The following STPG2 variants were observed in gnomAD, a reference collection of about 807,000 sequenced individuals.
STPG2 encodes sperm-tail PG-rich repeat-containing protein 2.
STPG2 carries 56 observed loss-of-function variants against 54.2 expected under a neutral mutation model. That is an observed-to-expected ratio of 1.03 (90% CI 0.83 to 1.29). STPG2 has a LOEUF of 1.29. Among genes scored for constraint, STPG2 ranks in the 50% most tolerant of loss-of-function variants. STPG2 has a pLI of 0.00. For synonymous variants in STPG2, 200 were observed against 181.8 expected, an observed-to-expected ratio of 1.10 and a Z score of -0.81; for missense variants, 596 against 544.9, an observed-to-expected ratio of 1.09 and a Z score of -0.93.
At chr4:97,931,775 T>C (rs1732556352) in intron 8 of STPG2, among the ~76,000 whole-genome samples, 2 of 152,092 alleles carry the variant, frequency 1.3e-5, no homozygotes, top group African/African-American at 2.4e-5. Context: ...TAGGAAGTAG[T>C]CCCTTCTCCT....
intron 8 of STPG2, among the ~76,000 whole-genome samples, chr4:97,935,197 G>A (rs1007952034): frequency 2.0e-5 from 3 of 152,078 alleles, no homozygotes; most frequent in Non-Finnish European, 2.9e-5. Flanking sequence ...GTTCAATGGT[G>A]ATATCCTTTT....
intron 10 of STPG2, among the ~76,000 whole-genome samples, chr4:97,679,073 C>A (rs1227062567): frequency 6.6e-6 from 1 of 152,036 alleles, no homozygotes; most frequent in African/African-American, 2.4e-5. Flanking sequence ...GTGAATAGTG[C>A]TGCAATAAAC....
intron 8 of STPG2, among the ~76,000 whole-genome samples, chr4:97,858,661 A>T (rs192129345): frequency 6.6e-6 from 1 of 152,090 alleles, no homozygotes; most frequent in Non-Finnish European, 1.5e-5. Context: ...TTTGGTTTCC[A>T]TTCCTCAGTT....
chr4:97,984,647 GATTT>G lies in STPG2; in HGVS notation c.613-3333_613-3330del, dbSNP rs1421777040. Reference sequence around the variant, plus strand: ...GTTTTTAACTTTTCCCATTCTTACTGATTTATTTTTATTTTTTAATATATGAAAC... The same window carrying G: ...GTTTTTAACTTTTCCCATTCTTACTGATTTTTATTTTTTAATATATGAAAC... On this transcript the variant is annotated intron_variant, in intron 5 of 10. Transcript: ENST00000295268. Among the ~76,000 whole-genome samples, 13 of 151,964 alleles carry G rather than the reference GATTT, an allele frequency of 8.6e-5. No homozygotes were observed. The South Asian group carries it at 1.5e-3, about 17-fold the overall frequency.
intron 9 of STPG2, among the ~76,000 whole-genome samples, chr4:97,799,333 T>G (rs1466373424): frequency 6.6e-6 from 1 of 152,226 alleles, no homozygotes; most frequent in African/African-American, 2.4e-5. Context: ...GTTGTTCCTT[T>G]CCATGTTTAG....
chr4:97,847,001 A>G (rs1337022676), intron 8 of STPG2, among the ~76,000 whole-genome samples: 2 of 152,210 alleles, frequency 1.3e-5, no homozygotes, highest in Admixed American at 1.3e-4. Flanking sequence ...AACTTCTTTT[A>G]CAATGAAACT....
rs1448419546 is a variant in STPG2 at position 97,703,409 on chromosome 4, T to TTA, written c.1320+9288_1320+9289dup. Among the ~76,000 whole-genome samples, 678 of 143,804 alleles carry TTA rather than the reference T, an allele frequency of 4.7e-3. 3 individuals are homozygous for TTA. Among genetic ancestry groups the TTA allele is most frequent in the African/African-American group, 0.016 (622 of 39,278 alleles). The allele number at this position is 143,804 out of a possible 152,430, so 94.3% of individuals were successfully genotyped here. ...TAATAGGATATATATATATATCCTA[T>TTA]TATATATATATACTATATATAATAT... On this transcript the variant is annotated intron_variant, in intron 10 of 10. Coordinates refer to ENST00000295268, the MANE Select transcript of STPG2 (RefSeq NM_174952.3).
chr4:97,918,162 G>T (rs569598316), intron 8 of STPG2, among the ~76,000 whole-genome samples: 2 of 134,348 alleles, frequency 1.5e-5, no homozygotes, highest in Non-Finnish European at 3.5e-5. Context: ...ATTAGACTGA[G>T]AAAGAAAAAT....
chr4:97,851,212 T>C (rs1300923435), intron 8 of STPG2, among the ~76,000 whole-genome samples: 2 of 152,154 alleles, frequency 1.3e-5, no homozygotes. Flanking sequence ...GCTCCTTGAG[T>C]GTTCAGAAAG....
At chr4:97,582,849 C>T (rs537386382) in intron 10 of STPG2, among the ~76,000 whole-genome samples, 1 of 152,074 alleles carries the variant, frequency 6.6e-6, no homozygotes, top group South Asian at 2.1e-4. Context: ...TAAATGAGGT[C>T]AGTGCTATGT....
At chr4:97,484,846 A>G (rs901182624) in intron 4 of STPG2, among the ~76,000 whole-genome samples, 1 of 151,990 alleles carries the variant, frequency 6.6e-6, no homozygotes, top group African/African-American at 2.4e-5. Context: ...CAACACTTCA[A>G]AAAGATAATC....
intron 9 of STPG2, among the ~76,000 whole-genome samples, chr4:97,738,723 T>G (rs1419190565): frequency 1.3e-5 from 2 of 151,830 alleles, no homozygotes; most frequent in Non-Finnish European, 2.9e-5. Context: ...AAGTCCTGAG[T>G]GACCTACAAA....
intron 9 of STPG2, among the ~76,000 whole-genome samples, chr4:97,775,085 T>C (rs1471787208): frequency 1.3e-5 from 2 of 152,212 alleles, no homozygotes; most frequent in Non-Finnish European, 2.9e-5. Flanking sequence ...ATGTAGTCAG[T>C]CTATCCTATT....
At chr4:98,004,381 A>G (rs907825126) in intron 5 of STPG2, among the ~76,000 whole-genome samples, 1 of 152,102 alleles carries the variant, frequency 6.6e-6, no homozygotes, top group Admixed American at 6.6e-5. Flanking sequence ...TTCTTTATCC[A>G]GTCATCCATT....
intron 7 of STPG2, among the ~76,000 whole-genome samples, chr4:97,967,242 T>C (rs1734138041): frequency 6.7e-6 from 1 of 149,590 alleles, no homozygotes; most frequent in South Asian, 2.1e-4. Flanking sequence ...AAACAGACTT[T>C]AAACGAACAA....
At chr4:97,991,359 TGTG>T (rs1353435168) in intron 5 of STPG2, among the ~76,000 whole-genome samples, 1 of 151,042 alleles carries the variant, frequency 6.6e-6, no homozygotes, top group Admixed American at 6.6e-5. Flanking sequence ...TATATGTGTG[TGTG>T]GTGTATATAT....
At chr4:97,562,030 G>A (rs1250169995) in intron 10 of STPG2, among the ~76,000 whole-genome samples, 1 of 152,146 alleles carries the variant, frequency 6.6e-6, no homozygotes, top group Non-Finnish European at 1.5e-5. Context: ...ATTACATTGG[G>A]CAGCATGGCC....
At chr4:97,489,053 G>C (rs191497663) in intron 4 of STPG2, among the ~76,000 whole-genome samples, 171 of 151,724 alleles carry the variant, frequency 1.1e-3, no homozygotes, top group Non-Finnish European at 2.2e-3. Context: ...TCTTTCCCAT[G>C]CTGTTCTCAT....
At chr4:97,500,150 G>T (rs987044695) in intron 4 of STPG2, among the ~76,000 whole-genome samples, 1 of 151,994 alleles carries the variant, frequency 6.6e-6, no homozygotes, top group African/African-American at 2.4e-5. Context: ...GATGATAGTG[G>T]TAGCAAAAGA....
Sources: gnomAD v4.1 joint callset for allele counts (sites outside exome capture counted in the v4.1 genomes callset) on GRCh38, gnomAD v4.1.1 for gene constraint, MANE v1.5 for transcripts, NCBI Gene and HGNC (gene_info 2026-07-23, HGNC 2026-07-21) for gene names.